Variants in BCAS3 observed in about 807,000 individuals in gnomAD.
BCAS3 encodes the protein BCAS4/BCAS3 fusion.
Under a neutral mutation model 116.1 loss-of-function variants are expected in BCAS3, and 53 were observed. The ratio of observed to expected loss-of-function variants is 0.46; its 90% CI spans 0.37 to 0.57. The LOEUF is 0.57. Ranked by LOEUF, BCAS3 falls within the 20% of genes least tolerant of loss-of-function variation. BCAS3 has a pLI of 0.00. For synonymous variants in BCAS3, 391 were observed against 408.2 expected (o/e 0.96, Z 0.51); for missense variants, 917 against 1,165.4 (o/e 0.79, Z 3.10).
intron 22 of BCAS3, chr17:61,245,323 A>C (rs1232769469): frequency 6.6e-6 from 1 of 152,184 alleles, no homozygotes; most frequent in African/African-American, 2.4e-5. Context: ...GATTATGGGA[A>C]CTACAAGTCA....
At chr17:61,102,349 A>G (rs1007905966) in intron 22 of BCAS3, among the ~76,000 whole-genome samples, 1 of 152,158 alleles carries the variant, frequency 6.6e-6, no homozygotes, top group Non-Finnish European at 1.5e-5. Context: ...TCTCTCCTGT[A>G]TGCATATTAA....
intron 2 of BCAS3, 147 bp downstream of exon 2, chr17:60,679,687 C>T (rs1488060100): frequency 4.4e-6 from 3 of 682,114 alleles, no homozygotes; most frequent in African/African-American, 3.6e-5. Flanking sequence ...TTGCCAAGAC[C>T]AAATGAAGAA....
At chr17:61,090,825 C>G (rs2073495164) in intron 22 of BCAS3, among the ~76,000 whole-genome samples, 1 of 152,032 alleles carries the variant, frequency 6.6e-6, no homozygotes, top group South Asian at 2.1e-4. Context: ...GCCCAGCTAA[C>G]TTTTGTATTT....
At chr17:61,268,884 A>C (rs534866894) in intron 22 of BCAS3, among the ~76,000 whole-genome samples, 1 of 151,940 alleles carries the variant, frequency 6.6e-6, no homozygotes, top group South Asian at 2.1e-4. Flanking sequence ...TGATTTGCTT[A>C]TTTCACCTAG....
rs1419490331 is a variant in BCAS3, at chr17:61,333,652, G to A, written c.2426-34675G>A. On this transcript the variant is annotated intron_variant, in intron 22 of 23. Transcript: ENST00000407086. The surrounding 1 kb of genome is among the most constrained non-coding windows in gnomAD (Gnocchi z 4.8). ...TTTTTTTTTTTTGAGACAGAGTCTC[G>A]CTCTGTCGCCTAGGCTGGAGTGCAG... is the stretch of plus-strand genomic sequence containing the variant. 7.6e-5 allele frequency among the ~76,000 whole-genome samples: 11 copies of A among 144,870 alleles called. No homozygotes were observed. Among genetic ancestry groups the A allele is most frequent in the African/African-American group, 2.6e-4 (10 of 38,336 alleles).
intron 22 of BCAS3, among the ~76,000 whole-genome samples, chr17:61,090,472 A>C (rs1230837173): frequency 6.6e-6 from 1 of 152,210 alleles, no homozygotes; most frequent in East Asian, 1.9e-4. Context: ...TGGCTTTTAT[A>C]TTAGAAATGA....
chr17:61,039,739 T>C (rs1600684116), intron 18 of BCAS3, among the ~76,000 whole-genome samples: 1 of 152,328 alleles, frequency 6.6e-6, no homozygotes, highest in South Asian at 2.1e-4. Context: ...ATTTTTTTAA[T>C]TGTCTTCTGT....
At chr17:61,050,730 C>A (rs2068784457) in intron 19 of BCAS3, among the ~76,000 whole-genome samples, 1 of 151,922 alleles carries the variant, frequency 6.6e-6, no homozygotes, top group Non-Finnish European at 1.5e-5. Context: ...AAAGTAAGTT[C>A]TAACTGTATG....
chr17:60,769,309 C>CG (rs985756614), intron 6 of BCAS3, among the ~76,000 whole-genome samples: 5 of 152,136 alleles, frequency 3.3e-5, no homozygotes, highest in African/African-American at 1.2e-4. Flanking sequence ...GCAGTCCTGC[C>CG]ACTGAGGAGA....
In BCAS3 at chr17:61,251,262, G is replaced by A. The variant is rs1270863433; in HGVS notation, c.2426-117065G>A. Among the ~76,000 whole-genome samples, 1 of 152,092 alleles carries A rather than the reference G, an allele frequency of 6.6e-6. No homozygotes were observed. Among genetic ancestry groups the A allele is most frequent in the East Asian group, 1.9e-4 (1 of 5,184 alleles). On this transcript the variant is annotated intron_variant, in intron 22 of 23. Transcript: ENST00000407086. This position sits in a 1 kb window ranked among gnomAD's most constrained non-coding sequence, Gnocchi z 4.7. Reference sequence around the variant, plus strand: ...CTCAAGGCCTGATTCTAATGAATTTGGGATTCCTTGCTGAAAAAAAGACTG... The same window carrying A: ...CTCAAGGCCTGATTCTAATGAATTTAGGATTCCTTGCTGAAAAAAAGACTG...
At chr17:61,297,596 G>A (rs969005270) in intron 22 of BCAS3, among the ~76,000 whole-genome samples, 3 of 152,138 alleles carry the variant, frequency 2.0e-5, no homozygotes, top group African/African-American at 7.2e-5. Flanking sequence ...GTGGAAATAA[G>A]CAAAGGGGCA....
chr17:61,285,258 T>TGTGTGTGTGTG lies in BCAS3; in HGVS notation c.2426-83069_2426-83068insGTGTGTGTGTG, dbSNP rs766590925. On this transcript the variant is annotated intron_variant, in intron 22 of 23. Transcript: ENST00000407086. The surrounding 1 kb of genome is among the most constrained non-coding windows in gnomAD (Gnocchi z 5.4). ...GTGTGTGTGTGTGTGTGTGTGTGTG[T>TGTGTGTGTGTG]TTCTTGCTAAAATGCAGCAAAGGAA... Among the ~76,000 whole-genome samples, 1 of 151,936 alleles carries TGTGTGTGTGTG rather than the reference T, an allele frequency of 6.6e-6. No homozygotes were observed. Among genetic ancestry groups the TGTGTGTGTGTG allele is most frequent in the African/African-American group, 2.4e-5 (1 of 41,266 alleles).
At chr17:61,033,481 A>C (rs2066794965) in intron 16 of BCAS3, among the ~76,000 whole-genome samples, 1 of 152,202 alleles carries the variant, frequency 6.6e-6, no homozygotes, top group Non-Finnish European at 1.5e-5. Context: ...CTTAACCAAA[A>C]GTCACACAGC....
rs188410419 is a variant in BCAS3 at position 60,932,387 on chromosome 17, T to C, written c.1087+7887T>C. ...TATAGCAGGGCAAAATTAAGACATT[T>C]ATTCAATGTTGTTATTCATTTGTTG... On this transcript the variant is annotated intron_variant, in intron 13 of 23. Coordinates refer to ENST00000407086, the MANE Select transcript of BCAS3 (RefSeq NM_017679.5). 2.0e-4 allele frequency among the ~76,000 whole-genome samples: 30 copies of C among 152,368 alleles called. No homozygotes were observed. In the East Asian group the frequency reaches 5.8e-3, roughly 29 times the overall value.
chr17:61,007,672 G>T lies in BCAS3; in HGVS notation c.1487-8079G>T, dbSNP rs1416051242. Among the ~76,000 whole-genome samples, 1 of 151,308 alleles carries T rather than the reference G, an allele frequency of 6.6e-6. No individual in the cohort carries two copies. The highest frequency in any genetic ancestry group is 1.9e-4 in the East Asian group (1 of 5,162). ...TTTGTATGTAGTGGGGAGAAGTGAT[G>T]ACACTATCATTAATAATCTCAATCC... is the stretch of plus-strand genomic sequence containing the variant. On this transcript the variant is annotated intron_variant, in intron 15 of 23. Coordinates refer to ENST00000407086, the MANE Select transcript of BCAS3 (RefSeq NM_017679.5). This position sits in a 1 kb window ranked among gnomAD's most constrained non-coding sequence, Gnocchi z 4.3.
At chr17:60,735,347 A>G (rs933488802) in intron 5 of BCAS3, among the ~76,000 whole-genome samples, 1 of 152,062 alleles carries the variant, frequency 6.6e-6, no homozygotes, top group African/African-American at 2.4e-5. Context: ...GGTCATGTTA[A>G]AAAACCTGGT....
rs971099517 is a variant in BCAS3, at chr17:61,261,381, A to G, written c.2426-106946A>G. On this transcript the variant is annotated intron_variant, in intron 22 of 23. Transcript: ENST00000407086. The surrounding 1 kb of genome is among the most constrained non-coding windows in gnomAD (Gnocchi z 4.4). ...GCAGGATGCTACCCCCTGACCCTTT[A>G]TAAGTCAGCCTTGCTTGATTACTCC... is the stretch of plus-strand genomic sequence containing the variant. Among the ~76,000 whole-genome samples the G allele has an allele frequency of 6.6e-6, 1 of 152,208 alleles. No individual in the cohort carries two copies. The highest frequency in any genetic ancestry group is 1.5e-5 in the Non-Finnish European group (1 of 68,028).
At chr17:61,292,672 G>T (rs1441466102) in intron 22 of BCAS3, among the ~76,000 whole-genome samples, 2 of 151,998 alleles carry the variant, frequency 1.3e-5, no homozygotes, top group African/African-American at 4.8e-5. Context: ...AAAAAGAAAT[G>T]AGGGGTGAGG....
In BCAS3 at chr17:61,017,288, C is replaced by CA. The variant is rs2065524178; in HGVS notation, c.1637+1392dup. 6.6e-6 allele frequency among the ~76,000 whole-genome samples: 1 copy of CA among 151,898 alleles called. No homozygotes were observed. Among genetic ancestry groups the CA allele is most frequent in the African/African-American group, 2.4e-5 (1 of 41,372 alleles). On this transcript the variant is annotated intron_variant, in intron 16 of 23. Coordinates refer to ENST00000407086, the MANE Select transcript of BCAS3 (RefSeq NM_017679.5). The surrounding 1 kb of genome is among the most constrained non-coding windows in gnomAD (Gnocchi z 4.7). Reference sequence around the variant, plus strand: ...ATATTACATTCCTGGGATGTAGAATCAAAAATGGGACTAAATCTGGAATCA... The same window carrying CA: ...ATATTACATTCCTGGGATGTAGAATCAAAAAATGGGACTAAATCTGGAATCA...
Sources: gnomAD v4.1 joint callset for allele counts (sites outside exome capture counted in the v4.1 genomes callset) on GRCh38, gnomAD v4.1.1 for gene constraint, Gnocchi (gnomAD v3.1) non-coding constraint, MANE v1.5 for transcripts, NCBI Gene and HGNC (gene_info 2026-07-23, HGNC 2026-07-21) for gene names.